The following BCAP29 variants were observed in gnomAD, a reference collection of about 807,000 sequenced individuals.
BCAP29 encodes B-cell receptor-associated protein 29.
Under a neutral mutation model 31.8 loss-of-function variants are expected in BCAP29, and 34 were observed. The ratio of observed to expected loss-of-function variants is 1.07; its 90% CI spans 0.81 to 1.42. The LOEUF is 1.42. BCAP29 is among the 40% of genes most tolerant of loss of function. BCAP29 has a pLI of 0.00. For synonymous variants in BCAP29, 104 were observed against 91.3 expected, an observed-to-expected ratio of 1.14 and a Z score of -0.79; for missense variants, 314 against 269.2, an observed-to-expected ratio of 1.17 and a Z score of -1.16.
chr7:107,617,028 C>T (rs913923761), intron 7 of BCAP29, among the ~76,000 whole-genome samples: 1 of 152,148 alleles, frequency 6.6e-6, no homozygotes, highest in African/African-American at 2.4e-5. Context: ...CTCGAGCCAC[C>T]GTGCCCAGCC....
rs559655056 is a variant in BCAP29 at position 107,618,220 on chromosome 7, T to C, written c.691-108T>C. 110 of 710,566 alleles carry C rather than the reference T, an allele frequency of 1.5e-4. No homozygotes were observed. The South Asian group carries it at 3.5e-3, about 22-fold the overall frequency. The allele number at this position is 710,566 out of a possible 1,614,324, so 44.0% of individuals were successfully genotyped here. The stretch of plus-strand genomic sequence containing the variant: ...CAATCCTTTTTTTCACATTTAATTA[T>C]TCTCATAAGTATACATAGAAGAGAG... On this transcript the variant is annotated intron_variant, in intron 7 of 7. Coordinates refer to ENST00000005259, the MANE Select transcript of BCAP29 (RefSeq NM_018844.4).
At chr7:107,590,695 T>C (rs1176828913) in intron 3 of BCAP29, among the ~76,000 whole-genome samples, 1 of 151,914 alleles carries the variant, frequency 6.6e-6, no homozygotes, top group Non-Finnish European at 1.5e-5. Context: ...GGCTCATGCT[T>C]GTAGTCCCAG....
intron 7 of BCAP29, chr7:107,616,293 C>T (rs1214994599): frequency 6.6e-6 from 1 of 152,408 alleles, no homozygotes; most frequent in Non-Finnish European, 1.5e-5. Context: ...TACTGGCCTT[C>T]GCACCTGGGC....
intron 2 of BCAP29, among the ~76,000 whole-genome samples, chr7:107,581,392 A>G (rs897325960): frequency 2.0e-5 from 3 of 152,250 alleles, no homozygotes; most frequent in African/African-American, 7.2e-5. Context: ...TAATGAATGT[A>G]TATTAAAAGT....
At chr7:107,602,048 GATT>G (rs1811270554) in intron 6 of BCAP29, among the ~76,000 whole-genome samples, 1 of 152,208 alleles carries the variant, frequency 6.6e-6, no homozygotes, top group South Asian at 2.1e-4. Context: ...GACAAAATCA[GATT>G]TTAGAAAAAA....
intron 3 of BCAP29, 85 bp downstream of exon 3, chr7:107,584,067 G>A (rs1425356473): frequency 1.4e-6 from 1 of 730,762 alleles, no homozygotes; most frequent in Non-Finnish European, 2.1e-6. Flanking sequence ...GTTACAATTG[G>A]TGTACAGTTG....
chr7:107,600,652 T>C (rs1811011853), intron 6 of BCAP29, 147 bp downstream of exon 6: 1 of 536,494 alleles, frequency 1.9e-6, no homozygotes, highest in Non-Finnish European at 3.3e-6. Flanking sequence ...TGTTCAAATA[T>C]GAAGATAAAA....
intron 4 of BCAP29, 78 bp downstream of exon 4, chr7:107,594,183 T>G: frequency 2.9e-6 from 4 of 1,357,280 alleles, no homozygotes; most frequent in African/African-American, 1.5e-5. Flanking sequence ...CCACCTTTAC[T>G]GTAGATTTTT....
chr7:107,582,609 T>C (rs978932683), intron 2 of BCAP29, among the ~76,000 whole-genome samples: 2 of 152,160 alleles, frequency 1.3e-5, no homozygotes, highest in Non-Finnish European at 2.9e-5. Flanking sequence ...AAAATGGAGG[T>C]AGTACTAGTG....
chr7:107,614,056 C>G (rs796697068), intron 7 of BCAP29, among the ~76,000 whole-genome samples: 13 of 152,320 alleles, frequency 8.5e-5, no homozygotes, highest in African/African-American at 3.1e-4. Flanking sequence ...GAATTGATTT[C>G]TCAGACACAC....
chr7:107,618,355 A>C lies in BCAP29; in HGVS notation c.718A>C (p.Arg240=). 1 of 1,600,022 alleles carries C rather than the reference A, an allele frequency of 6.2e-7. No homozygotes were observed. Among genetic ancestry groups the C allele is most frequent in the South Asian group, 1.1e-5 (1 of 89,482 alleles). ...QDRLERGNKK[R]L ...TCGTTTAGAAAGAGGCAACAAGAAA[A>C]GACTGTGAACTTTATAAAAGACACT... Residue 240 remains arginine, a synonymous_variant, in exon 8 of 8, where the codon AGA becomes CGA. Transcript: ENST00000005259.
intron 7 of BCAP29, among the ~76,000 whole-genome samples, chr7:107,614,572 T>G (rs2129290705): frequency 6.6e-6 from 1 of 152,340 alleles, no homozygotes; most frequent in South Asian, 2.1e-4. Context: ...TCTGTAGGAA[T>G]TTTGCTGAAA....
chr7:107,580,873 C>T lies in BCAP29; in HGVS notation c.92+9C>T, dbSNP rs1485598933. 1 of 1,560,784 alleles carries T rather than the reference C, an allele frequency of 6.4e-7. No individual in the cohort carries two copies. Among genetic ancestry groups the T allele is most frequent in the African/African-American group, 1.4e-5 (1 of 71,514 alleles). ...TTTATTCCTCCTCAGAGGTAGGAAA[C>T]CTTCAAATCGTTAACTAATAAATAT... On this transcript the variant is annotated intron_variant, in intron 2 of 7. Coordinates refer to ENST00000005259, the MANE Select transcript of BCAP29 (RefSeq NM_018844.4).
rs201917251 is a variant in BCAP29 at position 107,585,607 on chromosome 7, C to T, written c.193+1625C>T. 7.2e-5 allele frequency among the ~76,000 whole-genome samples: 11 copies of T among 152,288 alleles called. No homozygotes were observed. The East Asian group carries it at 1.9e-3, about 27-fold the overall frequency. The stretch of plus-strand genomic sequence containing the variant: ...AGCTCCTGATTTTATGATCTTCTAA[C>T]TCTAAAATTATCACAAAAATTTCTA... On this transcript the variant is annotated intron_variant, in intron 3 of 7. Transcript: ENST00000005259.
chr7:107,599,072 AAT>A (rs1379397431), intron 5 of BCAP29, among the ~76,000 whole-genome samples: 2 of 135,562 alleles, frequency 1.5e-5, no homozygotes, highest in Admixed American at 1.6e-4. Context: ...TAAATATATA[AAT>A]ATATTAAAAA....
chr7:107,592,389 G>A (rs1809030405), intron 3 of BCAP29, among the ~76,000 whole-genome samples: 1 of 152,112 alleles, frequency 6.6e-6, no homozygotes, highest in Non-Finnish European at 1.5e-5. Flanking sequence ...ACAAAGAAAT[G>A]CCACTTTACA....
intron 3 of BCAP29, among the ~76,000 whole-genome samples, chr7:107,586,172 C>T (rs1807648024): frequency 2.6e-5 from 4 of 152,128 alleles, no homozygotes. Flanking sequence ...ATACTTCATT[C>T]TTTTTTATTA....
chr7:107,589,667 ACC>A (rs1319475812), intron 3 of BCAP29, among the ~76,000 whole-genome samples: 1 of 152,100 alleles, frequency 6.6e-6, no homozygotes, highest in Admixed American at 6.5e-5. Flanking sequence ...GGTGTTGGGG[ACC>A]CCTGCTGTAC....
chr7:107,609,475 G>T (rs1370904497), intron 6 of BCAP29, among the ~76,000 whole-genome samples: 1 of 152,174 alleles, frequency 6.6e-6, no homozygotes, highest in African/African-American at 2.4e-5. Flanking sequence ...GGAGTGGAAG[G>T]TATGGATTGG....
Sources: allele counts gnomAD v4.1 joint callset (sites outside exome capture counted in the v4.1 genomes callset), GRCh38; gene constraint gnomAD v4.1.1; transcripts MANE v1.5; gene names NCBI Gene and HGNC (gene_info 2026-07-23, HGNC 2026-07-21).